Variants in CCBE1 observed in about 807,000 individuals in gnomAD.
The protein encoded by CCBE1 is collagen and calcium-binding EGF domain-containing protein 1.
CCBE1 carries 37 observed loss-of-function variants against 50.0 expected under a neutral mutation model. That is an observed-to-expected ratio of 0.74 (90% CI 0.57 to 0.97). The LOEUF (loss-of-function observed/expected upper bound fraction) is 0.97, where lower values mean the gene tolerates loss of function less well. Among genes scored for constraint, CCBE1 ranks in the 50% least tolerant of loss-of-function variants. The pLI is 0.00. For missense variants in CCBE1, 538 were observed against 523.8 expected, an observed-to-expected ratio of 1.03 and a Z score of -0.26; for synonymous variants, 234 against 203.7, an observed-to-expected ratio of 1.15 and a Z score of -1.27.
At chr18:59,635,389 A>AAAGGGAAAACTGAAAT (rs11270759) in intron 2 of CCBE1, among the ~76,000 whole-genome samples, 1 of 103,026 alleles carries the variant, frequency 9.7e-6, no homozygotes, top group African/African-American at 3.8e-5. Flanking sequence ...TAATTATCTC[A>AAAGGGAAAACTGAAAT]AAGGGAAAAC....
chr18:59,502,788 G>A (rs1398993006), intron 2 of CCBE1, among the ~76,000 whole-genome samples: 1 of 152,126 alleles, frequency 6.6e-6, no homozygotes, highest in Non-Finnish European at 1.5e-5. Flanking sequence ...TGTGCTTGTC[G>A]ACTGATGGTG....
intron 2 of CCBE1, among the ~76,000 whole-genome samples, chr18:59,658,345 AAAAAAAAAAATATATATAT>A (rs2054222638): frequency 5.0e-5 from 2 of 39,840 alleles, no homozygotes; most frequent in African/African-American, 2.1e-4. Flanking sequence ...AAAAAAAAAA[AAAAAAAAAAATATATATAT>A]ATATATATAT....
intron 2 of CCBE1, among the ~76,000 whole-genome samples, chr18:59,563,132 C>T (rs774643769): frequency 6.6e-6 from 1 of 152,192 alleles, no homozygotes; most frequent in Non-Finnish European, 1.5e-5. Context: ...CTGCCCAGAA[C>T]ATCAAATGGC....
intron 2 of CCBE1, among the ~76,000 whole-genome samples, chr18:59,501,249 C>A (rs1319731024): frequency 3.3e-5 from 5 of 152,154 alleles, no homozygotes. Context: ...TTTTGGGGAC[C>A]CTGTCCTGGG....
intron 2 of CCBE1, among the ~76,000 whole-genome samples, chr18:59,621,169 TATCA>T (rs2053705371): frequency 6.6e-6 from 1 of 152,206 alleles, no homozygotes; most frequent in African/African-American, 2.4e-5. Flanking sequence ...GGAAATGATG[TATCA>T]CTCACTGGGG....
At chr18:59,645,426 A>G (rs2054043282) in intron 2 of CCBE1, among the ~76,000 whole-genome samples, 1 of 152,226 alleles carries the variant, frequency 6.6e-6, no homozygotes, top group Admixed American at 6.5e-5. Context: ...AGTGAGAAAA[A>G]AAAGATTTTA....
intron 2 of CCBE1, among the ~76,000 whole-genome samples, chr18:59,633,939 G>A (rs1342135807): frequency 6.6e-6 from 1 of 151,996 alleles, no homozygotes; most frequent in Non-Finnish European, 1.5e-5. Context: ...TGACCCCAAG[G>A]TAGACATGGC....
At chr18:59,593,867 A>T (rs1272840438) in intron 2 of CCBE1, among the ~76,000 whole-genome samples, 4 of 152,268 alleles carry the variant, frequency 2.6e-5, no homozygotes, top group Non-Finnish European at 1.5e-5. Flanking sequence ...CTAAAAATCA[A>T]GTAGCTGTAG....
At chr18:59,514,513 C>T (rs1328052568) in intron 2 of CCBE1, among the ~76,000 whole-genome samples, 1 of 152,060 alleles carries the variant, frequency 6.6e-6, no homozygotes, top group Non-Finnish European at 1.5e-5. Context: ...TCGGCTGGCC[C>T]AGACTCCGAG....
chr18:59,525,024 C>A (rs1914762452), intron 2 of CCBE1, among the ~76,000 whole-genome samples: 1 of 152,090 alleles, frequency 6.6e-6, no homozygotes, highest in Non-Finnish European at 1.5e-5. Flanking sequence ...GTGAATGGTG[C>A]TGTAATGAAC....
intron 2 of CCBE1, among the ~76,000 whole-genome samples, chr18:59,583,272 AAAAC>A (rs1229674829): frequency 6.8e-6 from 1 of 148,104 alleles, no homozygotes; most frequent in African/African-American, 2.5e-5. Context: ...ACAAACAAAC[AAAAC>A]AAACAAAAAA....
chr18:59,468,692 T>C (rs1911873024), intron 4 of CCBE1, among the ~76,000 whole-genome samples: 2 of 152,190 alleles, frequency 1.3e-5, no homozygotes, highest in African/African-American at 4.8e-5. Context: ...TCCATGTAGG[T>C]CTACCTGCTA....
At chr18:59,605,336 G>A (rs2053483688) in intron 2 of CCBE1, among the ~76,000 whole-genome samples, 1 of 152,212 alleles carries the variant, frequency 6.6e-6, no homozygotes, top group Admixed American at 6.5e-5. Flanking sequence ...ATAACAAGAG[G>A]AAGATGACAA....
intron 2 of CCBE1, among the ~76,000 whole-genome samples, chr18:59,656,495 T>C (rs2054191092): frequency 1.3e-5 from 2 of 152,114 alleles, no homozygotes; most frequent in East Asian, 1.9e-4. Flanking sequence ...TGGAAGGGGG[T>C]TAATTTACCT....
intron 2 of CCBE1, among the ~76,000 whole-genome samples, chr18:59,585,844 C>G (rs2053171623): frequency 6.6e-6 from 1 of 152,136 alleles, no homozygotes; most frequent in African/African-American, 2.4e-5. Flanking sequence ...AGTGGCATGT[C>G]CTATTTAAAT....
At chr18:59,470,400 T>G (rs1911974785) in intron 3 of CCBE1, among the ~76,000 whole-genome samples, 1 of 152,242 alleles carries the variant, frequency 6.6e-6, no homozygotes, top group African/African-American at 2.4e-5. Flanking sequence ...CAATTCAAGA[T>G]GAGATTTGGG....
chr18:59,477,771 G>A (rs1912382505), intron 3 of CCBE1, among the ~76,000 whole-genome samples: 1 of 152,152 alleles, frequency 6.6e-6, no homozygotes, highest in African/African-American at 2.4e-5. Context: ...TGTGTTTCAT[G>A]CAGCATAGTT....
chr18:59,455,034 C>T, intron 5 of CCBE1, 83 bp from the exon 6 acceptor site: 2 of 1,086,634 alleles, frequency 1.8e-6, no homozygotes, highest in Non-Finnish European at 2.8e-6. Context: ...AAGGGCGGTC[C>T]CAGGGACAGA....
chr18:59,517,420 A>G (rs1250219112), intron 2 of CCBE1, among the ~76,000 whole-genome samples: 1 of 152,230 alleles, frequency 6.6e-6, no homozygotes, highest in African/African-American at 2.4e-5. Context: ...GCTCACAAGG[A>G]TAAGCCTCCA....
Sources: allele counts gnomAD v4.1 joint callset (sites outside exome capture counted in the v4.1 genomes callset), GRCh38; gene constraint gnomAD v4.1.1; transcripts MANE v1.5; gene names NCBI Gene and HGNC (gene_info 2026-07-23, HGNC 2026-07-21).